GRM1: variants seen among roughly 807,000 people sequenced by gnomAD.
GRM1 encodes the protein metabotropic glutamate receptor 1.
A neutral mutation model predicts 90.9 loss-of-function variants in GRM1; 33 were observed. The observed-to-expected ratio is 0.36, with a 90% CI of 0.28 to 0.49. GRM1 has a LOEUF of 0.49. Ranked by LOEUF, GRM1 falls within the 20% of genes least tolerant of loss-of-function variation. The pLI is 0.99. For missense variants in GRM1, 1,190 were observed against 1,534.3 expected (o/e 0.78, Z 3.75); for synonymous variants, 700 against 613.2 (o/e 1.14, Z -2.09).
At chr6:146,048,193 T>C (rs1791402989) in intron 1 of GRM1, among the ~76,000 whole-genome samples, 1 of 152,068 alleles carries the variant, frequency 6.6e-6, no homozygotes, top group South Asian at 2.1e-4. Flanking sequence ...GCTTAATTAA[T>C]ATTTGTTGAA....
intron 2 of GRM1, among the ~76,000 whole-genome samples, chr6:146,169,951 C>T (rs935753461): frequency 1.3e-5 from 2 of 152,080 alleles, no homozygotes; most frequent in African/African-American, 4.8e-5. Flanking sequence ...TGATATCTCA[C>T]GTGGTTTTGA....
At position 146,029,245 on chromosome 6, in the gene GRM1, A is replaced by G. The variant is rs1482289997; in HGVS notation, c.-273A>G. 3.9e-6 allele frequency: 2 copies of G among 518,860 alleles called. No individual in the cohort carries two copies. The highest frequency in any genetic ancestry group is 2.1e-5 in the South Asian group (1 of 48,644). The allele number at this position is 518,860 out of a possible 1,614,324, so 32.1% of individuals were successfully genotyped here. ...ACGACTTCCACTGTACTCTTGATCAATTTACCTTGATGCACTACCGGTGAA... is the reference window on the plus strand; with the variant it reads ...ACGACTTCCACTGTACTCTTGATCAGTTTACCTTGATGCACTACCGGTGAA... On this transcript the variant is annotated 5_prime_UTR_variant, in exon 1 of 8. Coordinates refer to ENST00000282753, the MANE Select transcript of GRM1 (RefSeq NM_001278064.2).
intron 2 of GRM1, among the ~76,000 whole-genome samples, chr6:146,220,005 AAGAAC>A (rs1246490322): frequency 6.6e-6 from 1 of 152,084 alleles, no homozygotes; most frequent in Admixed American, 6.6e-5. Context: ...GGAGGTAGAA[AAGAAC>A]AGATGACCGT....
chr6:146,028,144 A>G (rs1174571283), upstream of GRM1, among the ~76,000 whole-genome samples: 1 of 151,834 alleles, frequency 6.6e-6, no homozygotes, highest in Non-Finnish European at 1.5e-5. Flanking sequence ...TCTGTCCCCA[A>G]GCGGGTGGGT....
At chr6:146,379,510 TCAA>T (rs1360549972) in intron 5 of GRM1, among the ~76,000 whole-genome samples, 1 of 152,202 alleles carries the variant, frequency 6.6e-6, no homozygotes, top group Non-Finnish European at 1.5e-5. Context: ...TTGAGTTTCC[TCAA>T]CACAGCTATT....
chr6:146,168,290 T>A (rs898928675), intron 2 of GRM1, among the ~76,000 whole-genome samples: 4 of 152,048 alleles, frequency 2.6e-5, no homozygotes, highest in African/African-American at 9.6e-5. Flanking sequence ...GGGTTTAAAA[T>A]ATACTTCTTT....
At chr6:146,190,574 A>G (rs141546679) in intron 2 of GRM1, among the ~76,000 whole-genome samples, 3 of 152,328 alleles carry the variant, frequency 2.0e-5, no homozygotes, top group Non-Finnish European at 2.9e-5. Flanking sequence ...AGCCACAAAG[A>G]GGCTGGGTAA....
chr6:146,304,243 G>A (rs1421305508), intron 2 of GRM1, among the ~76,000 whole-genome samples: 1 of 152,066 alleles, frequency 6.6e-6, no homozygotes, highest in East Asian at 1.9e-4. Context: ...AGCCTCTGAG[G>A]TACCTAGATT....
chr6:146,067,572 C>T (rs1475949856), intron 1 of GRM1, among the ~76,000 whole-genome samples: 1 of 152,048 alleles, frequency 6.6e-6, no homozygotes, highest in African/African-American at 2.4e-5. Context: ...AATAACCAAA[C>T]ATGATCCTTA....
At chr6:146,104,413 C>T (rs558549167) in intron 1 of GRM1, among the ~76,000 whole-genome samples, 1 of 151,624 alleles carries the variant, frequency 6.6e-6, no homozygotes, top group Non-Finnish European at 1.5e-5. Flanking sequence ...GCACTCCAGC[C>T]TGGGCGATAG....
At chr6:146,414,649 G>A (rs144830314) in intron 7 of GRM1, among the ~76,000 whole-genome samples, 1,943 of 152,246 alleles carry the variant, frequency 0.013, 46 homozygotes, top group African/African-American at 0.045. Flanking sequence ...TGATCCGCCC[G>A]CCTCGGCCTC....
chr6:146,042,710 A>G (rs1791160680), intron 1 of GRM1, among the ~76,000 whole-genome samples: 2 of 152,050 alleles, frequency 1.3e-5, no homozygotes, highest in Admixed American at 1.3e-4. Context: ...GAAACCACAT[A>G]TTCCTAGTAG....
Position 146,437,278 on chromosome 6 carries a change from T to C in GRM1, c.*2482T>C, listed in dbSNP as rs1261380437. Reference sequence around the variant, plus strand: ...GATAAGGAAACAACTTATATTCAAGTGTAAGATGATATCAGGTTGGTCTAA... The same window carrying C: ...GATAAGGAAACAACTTATATTCAAGCGTAAGATGATATCAGGTTGGTCTAA... On this transcript the variant is annotated 3_prime_UTR_variant, in exon 8 of 8. Transcript: ENST00000282753. 2 of 152,380 alleles carry C rather than the reference T, an allele frequency of 1.3e-5. No individual in the cohort carries two copies. Among genetic ancestry groups the C allele is most frequent in the Non-Finnish European group, 2.9e-5 (2 of 68,018 alleles). The allele number at this position is 152,380 out of a possible 1,614,324, so 9.4% of individuals were successfully genotyped here. A position where few individuals can be genotyped will look rare whatever the true frequency, so the allele number is the denominator to read the frequency against.
chr6:146,422,854 C>T (rs748233039), intron 7 of GRM1, among the ~76,000 whole-genome samples: 29 of 150,902 alleles, frequency 1.9e-4, no homozygotes, highest in African/African-American at 4.9e-4. Flanking sequence ...GGTAAAGTTA[C>T]GCAGAATCCA....
chr6:146,324,366 C>T (rs2114978310), intron 3 of GRM1, among the ~76,000 whole-genome samples: 1 of 152,300 alleles, frequency 6.6e-6, no homozygotes, highest in African/African-American at 2.4e-5. Flanking sequence ...GACCAATTGG[C>T]TCCCTGGCTT....
chr6:146,187,741 A>G (rs1178422229), intron 2 of GRM1, among the ~76,000 whole-genome samples: 1 of 150,204 alleles, frequency 6.7e-6, no homozygotes, highest in Non-Finnish European at 1.5e-5. Flanking sequence ...CACAAAACAT[A>G]TATATATATA....
intron 3 of GRM1, among the ~76,000 whole-genome samples, chr6:146,311,441 A>G (rs1476464236): frequency 2.0e-5 from 3 of 152,250 alleles, no homozygotes; most frequent in East Asian, 3.8e-4. Context: ...TCTGGACCTT[A>G]TAATTTCTCA....
intron 6 of GRM1, among the ~76,000 whole-genome samples, chr6:146,393,469 C>A (rs1187496413): frequency 2.6e-5 from 4 of 151,940 alleles, no homozygotes; most frequent in Non-Finnish European, 5.9e-5. Flanking sequence ...GTTCTCCCAT[C>A]CTATAGGTTG....
intron 2 of GRM1, among the ~76,000 whole-genome samples, chr6:146,272,152 T>C (rs938150366): frequency 2.0e-5 from 3 of 152,212 alleles, no homozygotes; most frequent in African/African-American, 7.2e-5. Context: ...TTGGCTATTT[T>C]CTGTAATTAG....
Sources: allele counts gnomAD v4.1 joint callset (sites outside exome capture counted in the v4.1 genomes callset), GRCh38; gene constraint gnomAD v4.1.1; transcripts MANE v1.5; gene names NCBI Gene and HGNC (gene_info 2026-07-23, HGNC 2026-07-21).